The following LOC112694756 variants were observed in gnomAD, a reference collection of about 807,000 sequenced individuals.
At chr16:30,067,932 A>G in the LOC112694756 span, 5 of 527,274 alleles carry the variant, frequency 9.5e-6, no homozygotes, top group South Asian at 1.0e-4. Context: ...CACCCAATTC[A>G]CTCAACATTT....
the LOC112694756 span, chr16:30,064,483 G>T: frequency 1.5e-5 from 6 of 398,582 alleles, no homozygotes; most frequent in African/African-American, 1.2e-4. Context: ...GATTTCCAAG[G>T]AAGAATTTCC....
At chr16:30,062,370 T>C in the LOC112694756 span, among the ~76,000 whole-genome samples, 1 of 147,670 alleles carries the variant, frequency 6.8e-6, no homozygotes, top group Non-Finnish European at 1.5e-5. Context: ...TACAAAAAAA[T>C]ACAAAAAATG....
the LOC112694756 span, chr16:30,064,602 G>A: frequency 2.5e-6 from 1 of 397,810 alleles, no homozygotes; most frequent in Non-Finnish European, 4.4e-6. Flanking sequence ...GAATGTCAGG[G>A]GCTTCAGGTT....
chr16:30,067,586 ACT>A, the LOC112694756 span: 6 of 1,613,784 alleles, frequency 3.7e-6, no homozygotes, highest in South Asian at 1.1e-5. Context: ...TCCATGAGAC[ACT>A]CTACCAGAAG....
At chr16:30,063,710 CCT>C in the LOC112694756 span, 6 of 399,258 alleles carry the variant, frequency 1.5e-5, no homozygotes, top group African/African-American at 1.0e-4. Context: ...CTCCCTCAAC[CCT>C]CTCTCTCCTC....
the LOC112694756 span, among the ~76,000 whole-genome samples, chr16:30,057,659 G>A: frequency 2.6e-5 from 4 of 152,218 alleles, no homozygotes; most frequent in East Asian, 7.7e-4. Flanking sequence ...TAAATTGTGG[G>A]GCAAGGAGCG....
the LOC112694756 span, chr16:30,070,039 G>C: frequency 6.2e-7 from 1 of 1,613,722 alleles, no homozygotes; most frequent in South Asian, 1.1e-5. Flanking sequence ...GGTAAGGATA[G>C]GCAGGAGGTG....
the LOC112694756 span, among the ~76,000 whole-genome samples, chr16:30,060,595 C>A: frequency 2.7e-4 from 41 of 152,272 alleles, no homozygotes; most frequent in Non-Finnish European, 5.0e-4. Context: ...GATCTAAACC[C>A]TTCCAAGGGA....
At chr16:30,059,851 G>A in the LOC112694756 span, among the ~76,000 whole-genome samples, 2 of 151,624 alleles carry the variant, frequency 1.3e-5, 1 homozygote, top group Admixed American at 1.3e-4. Context: ...ACAGGCGTGA[G>A]TCGCCATGCC....
the LOC112694756 span, chr16:30,066,794 T>C: frequency 7.1e-7 from 1 of 1,408,588 alleles, no homozygotes; most frequent in East Asian, 2.5e-5. Context: ...ACCTTTCCCA[T>C]ATCTGGGCCC....
the LOC112694756 span, chr16:30,064,347 G>A: frequency 2.5e-6 from 1 of 398,786 alleles, no homozygotes; most frequent in Non-Finnish European, 4.4e-6. Context: ...AGGGAGGAGG[G>A]AGATTAGAGA....
chr16:30,069,065 C>T, the LOC112694756 span: 4 of 1,585,832 alleles, frequency 2.5e-6, no homozygotes, highest in East Asian at 2.2e-5. Flanking sequence ...ATGATGCCTA[C>T]CTCCCCAAAA....
chr16:30,064,726 G>A, the LOC112694756 span: 5 of 311,746 alleles, frequency 1.6e-5, no homozygotes, highest in South Asian at 4.8e-4. Context: ...ACCAGCCCGG[G>A]AACCCCTAGC....
the LOC112694756 span, chr16:30,069,650 G>T: frequency 1.7e-5 from 27 of 1,613,426 alleles, no homozygotes; most frequent in Non-Finnish European, 2.2e-5. Flanking sequence ...GCGCTGCGCC[G>T]CACAGTGCCC....
At chr16:30,066,412 G>C in the LOC112694756 span, among the ~76,000 whole-genome samples, 1 of 152,238 alleles carries the variant, frequency 6.6e-6, no homozygotes, top group African/African-American at 2.4e-5. Context: ...TTCTGAGCCC[G>C]GAACAGCTGC....
chr16:30,066,854 C>T, the LOC112694756 span: 1 of 1,540,796 alleles, frequency 6.5e-7, no homozygotes. Flanking sequence ...TCTTTACATT[C>T]TAAAATACTC....
chr16:30,064,526 T>G, the LOC112694756 span: 1 of 398,596 alleles, frequency 2.5e-6, no homozygotes, highest in Non-Finnish European at 4.4e-6. Flanking sequence ...AGGGGCTCCC[T>G]CCCCATCAAT....
the LOC112694756 span, among the ~76,000 whole-genome samples, chr16:30,064,994 T>C: frequency 6.6e-6 from 1 of 152,250 alleles, no homozygotes; most frequent in East Asian, 1.9e-4. Context: ...TGACCCCGCA[T>C]GCCAGAGGCC....
chr16:30,069,831 G>A, the LOC112694756 span: 9 of 1,614,088 alleles, frequency 5.6e-6, no homozygotes, highest in African/African-American at 9.3e-5. Flanking sequence ...GCTCTACAGG[G>A]ATCACCTTCC....
Sources: allele counts gnomAD v4.1 joint callset (sites outside exome capture counted in the v4.1 genomes callset), GRCh38; gene constraint gnomAD v4.1.1; transcripts MANE v1.5.